ARMC8: variants seen among roughly 807,000 people sequenced by gnomAD.
The protein encoded by ARMC8 is armadillo repeat-containing protein 8.
Under a neutral mutation model 99.3 loss-of-function variants are expected in ARMC8, and 20 were observed. The observed-to-expected ratio is 0.20, with a 90% CI of 0.14 to 0.29. ARMC8 has a LOEUF of 0.29. ARMC8 is among the 10% of genes least tolerant of loss of function. The pLI, the probability that ARMC8 is intolerant of heterozygous loss-of-function variation, is 1.00. For synonymous variants in ARMC8, 263 were observed against 278.3 expected, an observed-to-expected ratio of 0.95 and a Z score of 0.55; for missense variants, 569 against 809.5, an observed-to-expected ratio of 0.70 and a Z score of 3.60.
intron 1 of ARMC8, among the ~76,000 whole-genome samples, chr3:138,207,995 C>T (rs544125640): frequency 7.2e-5 from 11 of 152,044 alleles, no homozygotes; most frequent in Admixed American, 5.2e-4. Context: ...GATGTAGTGG[C>T]ACATACCTGT....
chr3:138,229,021 GAATA>G lies in ARMC8; in HGVS notation c.528+15_528+18del, dbSNP rs745456938. The G allele has an allele frequency of 6.3e-7, 1 of 1,582,568 alleles. No homozygotes were observed. Among genetic ancestry groups the G allele is most frequent in the Non-Finnish European group, 8.6e-7 (1 of 1,157,446 alleles). On this transcript the variant is annotated intron_variant, in intron 6 of 21. Coordinates refer to ENST00000469044, the MANE Select transcript of ARMC8 (RefSeq NM_001363941.2). The stretch of plus-strand genomic sequence containing the variant: ...TCACACTGCTGTAAAGTAAGAACCA[GAATA>G]AATGTTATCTATAATGTAAAATCTT...
chr3:138,273,218 GA>G, intron 17 of ARMC8, 102 bp downstream of exon 17: 1 of 1,210,380 alleles, frequency 8.3e-7, no homozygotes, highest in Non-Finnish European at 1.1e-6. Flanking sequence ...CCATGAGTGT[GA>G]TTCAAATGCT....
chr3:138,290,774 T>C, intron 21 of ARMC8, 135 bp downstream of exon 21: 1 of 643,628 alleles, frequency 1.6e-6, no homozygotes, highest in South Asian at 2.0e-5. Context: ...TAATTTTCTA[T>C]GAGCCACTGT....
intron 1 of ARMC8, among the ~76,000 whole-genome samples, chr3:138,204,320 C>CTCAGTTAT: frequency 1.3e-5 from 2 of 152,300 alleles, no homozygotes; most frequent in Middle Eastern, 3.4e-3. Flanking sequence ...CCCATTCTCC[C>CTCAGTTAT]TCAGTTATTC....
chr3:138,255,465 G>A (rs1365369621), intron 12 of ARMC8, among the ~76,000 whole-genome samples: 1 of 151,968 alleles, frequency 6.6e-6, no homozygotes, highest in Non-Finnish European at 1.5e-5. Flanking sequence ...GCCTCCCAAA[G>A]TGCTGGGATT....
intron 1 of ARMC8, among the ~76,000 whole-genome samples, chr3:138,208,060 A>C (rs1434248733): frequency 6.7e-6 from 1 of 148,276 alleles, no homozygotes; most frequent in African/African-American, 2.5e-5. Flanking sequence ...CAGGAGTTTG[A>C]GATCGGCCTG....
intron 13 of ARMC8, 40 bp downstream of exon 13, chr3:138,263,861 T>C (rs367886678): frequency 1.9e-6 from 3 of 1,567,538 alleles, no homozygotes; most frequent in South Asian, 1.1e-5. Context: ...CCTTTTGCCA[T>C]ATATTTAACC....
At chr3:138,225,356 G>A (rs1247180439) in intron 5 of ARMC8, among the ~76,000 whole-genome samples, 1 of 152,054 alleles carries the variant, frequency 6.6e-6, no homozygotes, top group Non-Finnish European at 1.5e-5. Context: ...TGATCTGCCC[G>A]CCTCGGCCTC....
At chr3:138,290,692 G>A in intron 21 of ARMC8, 53 bp downstream of exon 21, 1 of 1,214,500 alleles carries the variant, frequency 8.2e-7, no homozygotes. Context: ...ATTCTTTCGT[G>A]AAAGGGTTTG....
chr3:138,258,688 G>C (rs1359363924), intron 12 of ARMC8, among the ~76,000 whole-genome samples: 1 of 152,232 alleles, frequency 6.6e-6, no homozygotes, highest in Non-Finnish European at 1.5e-5. Flanking sequence ...CAATGCAAGA[G>C]ACAGTTTCGC....
intron 11 of ARMC8, among the ~76,000 whole-genome samples, chr3:138,243,824 A>T (rs578247065): frequency 6.6e-6 from 1 of 152,194 alleles, no homozygotes; most frequent in Non-Finnish European, 1.5e-5. Context: ...CTCTTTAGGA[A>T]GTTTCAAAAG....
intron 6 of ARMC8, among the ~76,000 whole-genome samples, chr3:138,233,137 A>G (rs1464413821): frequency 6.6e-6 from 1 of 152,216 alleles, no homozygotes; most frequent in Non-Finnish European, 1.5e-5. Flanking sequence ...CAAATGAGAC[A>G]AATGCATGTG....
At chr3:138,255,305 C>G (rs938730752) in intron 12 of ARMC8, among the ~76,000 whole-genome samples, 1 of 150,744 alleles carries the variant, frequency 6.6e-6, no homozygotes, top group Non-Finnish European at 1.5e-5. Flanking sequence ...CGGGCTCAGG[C>G]CATTCTCCTG....
At chr3:138,236,272 A>G (rs1206245803) in intron 7 of ARMC8, among the ~76,000 whole-genome samples, 1 of 152,182 alleles carries the variant, frequency 6.6e-6, no homozygotes, top group African/African-American at 2.4e-5. Flanking sequence ...ATATACTGAA[A>G]GGTACCTCCT....
At chr3:138,293,818 T>C (rs2051214849) in intron 21 of ARMC8, among the ~76,000 whole-genome samples, 3 of 152,204 alleles carry the variant, frequency 2.0e-5, no homozygotes, top group African/African-American at 7.2e-5. Flanking sequence ...AAGGATGACA[T>C]AGGATGGTAG....
chr3:138,279,917 T>A (rs1018514131), intron 18 of ARMC8, among the ~76,000 whole-genome samples: 12 of 152,182 alleles, frequency 7.9e-5, no homozygotes, highest in Non-Finnish European at 1.6e-4. Flanking sequence ...CCTTTTTTTT[T>A]TCTTGGAGAC....
intron 12 of ARMC8, among the ~76,000 whole-genome samples, chr3:138,259,778 T>C (rs1323802602): frequency 6.6e-6 from 1 of 152,206 alleles, no homozygotes; most frequent in Non-Finnish European, 1.5e-5. Context: ...TCAGGGACCA[T>C]ACACCCCTAG....
chr3:138,217,339 ATT>A (rs1246482404), intron 2 of ARMC8, among the ~76,000 whole-genome samples: 1 of 151,468 alleles, frequency 6.6e-6, no homozygotes, highest in African/African-American at 2.4e-5. Flanking sequence ...ATTTTTGACC[ATT>A]TAGAAATAAA....
At chr3:138,216,258 G>A (rs2045033921) in intron 2 of ARMC8, among the ~76,000 whole-genome samples, 2 of 152,054 alleles carry the variant, frequency 1.3e-5, no homozygotes, top group African/African-American at 4.8e-5. Context: ...CTAAATTAAA[G>A]TCAATTCTGT....
Sources: gnomAD v4.1 joint callset for allele counts (sites outside exome capture counted in the v4.1 genomes callset) on GRCh38, gnomAD v4.1.1 for gene constraint, MANE v1.5 for transcripts, NCBI Gene and HGNC (gene_info 2026-07-23, HGNC 2026-07-21) for gene names.